PDGFRB: variants seen among roughly 807,000 people sequenced by gnomAD.
PDGFRB encodes platelet-derived growth factor receptor beta.
In PDGFRB, 42 loss-of-function variants were observed where a neutral mutation model predicts 120.2. The ratio of observed to expected loss-of-function variants is 0.35; its 90% confidence interval spans 0.27 to 0.45. PDGFRB has a LOEUF of 0.45. Ranked by LOEUF, PDGFRB falls within the 20% of genes least tolerant of loss-of-function variation. The pLI, the probability that PDGFRB is intolerant of heterozygous loss-of-function variation, is 1.00. For missense variants in PDGFRB, 1,149 were observed against 1,476.3 expected (o/e 0.78, Z 3.63); for synonymous variants, 586 against 606.8 (o/e 0.97, Z 0.50).
At chr5:150,122,959 TTCCCCTC>T (rs1427870564) in intron 15 of PDGFRB, 76 bp downstream of exon 15, 1 of 1,271,730 alleles carries the variant, frequency 7.9e-7, no homozygotes, top group Admixed American at 1.8e-5. Flanking sequence ...CAGCCTCAGC[TTCCCCTC>T]CTGGACAAAA....
intron 21 of PDGFRB, among the ~76,000 whole-genome samples, chr5:150,118,057 G>A (rs189248641): frequency 1.1e-4 from 16 of 152,252 alleles, no homozygotes; most frequent in Admixed American, 9.8e-4. Context: ...GGACCACCCA[G>A]GGAGGGGCAG....
intron 12 of PDGFRB, 94 bp downstream of exon 12, chr5:150,125,351 T>C (rs1043438240): frequency 4.0e-5 from 45 of 1,111,958 alleles, no homozygotes; most frequent in Non-Finnish European, 1.5e-5. Flanking sequence ...CTAGGTCTCA[T>C]AGCTAGTCAT....
chr5:150,154,781 C>A (rs1310416444), intron 1 of PDGFRB, among the ~76,000 whole-genome samples: 1 of 152,220 alleles, frequency 6.6e-6, no homozygotes, highest in Non-Finnish European at 1.5e-5. Flanking sequence ...AGCCCCCAGA[C>A]CCAGCAGCAT....
rs1286932408 is a variant in PDGFRB at position 150,120,876 on chromosome 5, G to A, written c.2586+12C>T. On this transcript the variant is annotated intron_variant, in intron 18 of 22. Transcript: ENST00000261799. This position sits in a 1 kb window ranked among gnomAD's most constrained non-coding sequence, Gnocchi z 4.3. ...CTGTGACTGCCCTGCAGGGGCCAGGGAAGGTACTCACGCTGCCTTTGGAGA... is the reference window on the plus strand; with the variant it reads ...CTGTGACTGCCCTGCAGGGGCCAGGAAAGGTACTCACGCTGCCTTTGGAGA... 1 of 1,613,502 alleles carries A rather than the reference G, an allele frequency of 6.2e-7. No individual in the cohort carries two copies. Among genetic ancestry groups the A allele is most frequent in the Non-Finnish European group, 8.5e-7 (1 of 1,179,570 alleles).
chr5:150,141,490 G>A (rs1760782677), intron 1 of PDGFRB, among the ~76,000 whole-genome samples: 1 of 152,192 alleles, frequency 6.6e-6, no homozygotes, highest in Admixed American at 6.5e-5. Flanking sequence ...AACTGGGCTA[G>A]GAACACAGAG....
chr5:150,126,419 A>G (rs1028761651), intron 11 of PDGFRB, 101 bp downstream of exon 11: 5 of 756,416 alleles, frequency 6.6e-6, no homozygotes, highest in Non-Finnish European at 4.8e-6. Flanking sequence ...TGAGCCCTGC[A>G]TGTGGCCAGA....
chr5:150,117,583 G>T, intron 22 of PDGFRB, 35 bp downstream of exon 22: 2 of 1,087,054 alleles, frequency 1.8e-6, no homozygotes, highest in Non-Finnish European at 2.8e-6. Context: ...CACACACTGT[G>T]CACAATTTCC....
At chr5:150,136,899 A>G in intron 2 of PDGFRB, 109 bp downstream of exon 2, 2 of 806,244 alleles carry the variant, frequency 2.5e-6, no homozygotes, top group Non-Finnish European at 4.2e-6. Context: ...AGGGCAGGGC[A>G]GTGTGCCTGG....
intron 1 of PDGFRB, among the ~76,000 whole-genome samples, chr5:150,151,141 C>T (rs1021987288): frequency 6.6e-6 from 1 of 152,206 alleles, no homozygotes; most frequent in Non-Finnish European, 1.5e-5. Flanking sequence ...GAAAAAAACC[C>T]TTTCATTGTG....
rs774310300 is a variant in PDGFRB at position 150,124,293 on chromosome 5, G to C, written c.1980C>G (p.Pro660=). Residue 660 remains proline (P), a synonymous_variant, in exon 14 of 23, where the codon CCC becomes CCG. Coordinates refer to ENST00000261799, the MANE Select transcript of PDGFRB (RefSeq NM_002609.4). ...SELKIMSHLG[P]HLNVVNLLGA... is the part of the protein sequence containing the mutation. ...CCAACAGGTTGACCACGTTCAGGTG[G>C]GGCCCAAGGTGACTCATGATCTTCA... The C allele has an allele frequency of 6.2e-6, 10 of 1,613,938 alleles. No homozygotes were observed. The highest frequency in any genetic ancestry group is 8.5e-6 in the Non-Finnish European group (10 of 1,179,922).
chr5:150,154,115 A>G (rs575806719), intron 1 of PDGFRB, among the ~76,000 whole-genome samples: 2 of 152,304 alleles, frequency 1.3e-5, no homozygotes, highest in Non-Finnish European at 1.5e-5. Flanking sequence ...CTTCAGCACA[A>G]AGTGCATGGC....
intron 15 of PDGFRB, among the ~76,000 whole-genome samples, chr5:150,122,411 T>C (rs1458686708): frequency 6.6e-6 from 1 of 152,220 alleles, no homozygotes; most frequent in African/African-American, 2.4e-5. Context: ...CCGCTACCTA[T>C]GCCTGTAGCA....
rs1429315433 is a variant in PDGFRB at position 150,132,152 on chromosome 5, C to A, written c.1128-58G>T. 5.5e-6 allele frequency: 5 copies of A among 910,646 alleles called. No homozygotes were observed. Among genetic ancestry groups the A allele is most frequent in the Non-Finnish European group, 9.1e-6 (5 of 552,170 alleles). 56.4% of individuals were successfully genotyped at this position (910,646 alleles called of 1,614,324 possible). On this transcript the variant is annotated intron_variant, in intron 7 of 22. Transcript: ENST00000261799. The surrounding 1 kb of genome is among the most constrained non-coding windows in gnomAD (Gnocchi z 5.0). Reference sequence around the variant, plus strand: ...GAAGGACTCTTACAGTTCTCCCCACCCTCCTGGTATAAAGAGGAACAAGGC... The same window carrying A: ...GAAGGACTCTTACAGTTCTCCCCACACTCCTGGTATAAAGAGGAACAAGGC...
intron 1 of PDGFRB, among the ~76,000 whole-genome samples, chr5:150,150,297 C>A (rs1184012452): frequency 6.6e-6 from 1 of 152,198 alleles, no homozygotes; most frequent in Non-Finnish European, 1.5e-5. Context: ...TGCAACCCTT[C>A]CCCTCTCTGG....
intron 8 of PDGFRB, among the ~76,000 whole-genome samples, chr5:150,131,346 C>T (rs1760459583): frequency 1.3e-5 from 2 of 152,298 alleles, no homozygotes; most frequent in South Asian, 4.1e-4. Context: ...CTTTGCACTG[C>T]CCGAGGTACC....
intron 1 of PDGFRB, among the ~76,000 whole-genome samples, chr5:150,149,936 G>C (rs1186968126): frequency 6.6e-6 from 1 of 152,158 alleles, no homozygotes; most frequent in African/African-American, 2.4e-5. Flanking sequence ...GAACTCTCAG[G>C]GGCTAAGGGC....
rs2113912901 is a variant in PDGFRB, at chr5:150,135,864, G to A, written c.55C>T (p.Leu19=). 1.3e-6 allele frequency: 2 copies of A among 1,525,446 alleles called. No homozygotes were observed. Among genetic ancestry groups the A allele is most frequent in the Non-Finnish European group, 1.8e-6 (2 of 1,137,478 alleles). The allele number at this position is 1,525,446 out of a possible 1,614,324, so 94.5% of individuals were successfully genotyped here. A position where few individuals can be genotyped will look rare whatever the true frequency, so the allele number is the denominator to read the frequency against. The change falls in exon 3 of 23, where the codon CTG becomes TTG. Residue 19 remains leucine (L), a synonymous_variant. Transcript: ENST00000261799. ...GGTTCCAGAAGTAACAGGAGAGACA[G>A]CAACAGCAGCTCGCCTTTGGGAGAG... is the stretch of plus-strand genomic sequence containing the variant. ...ALALKGELLL[L]SLLLLLEPQI... is the part of the protein sequence containing the mutation.
In PDGFRB at chr5:150,131,793, G is replaced by C. The variant is rs151306388; in HGVS notation, c.1243+186C>G. On this transcript the variant is annotated intron_variant, in intron 8 of 22. Transcript: ENST00000261799. ...TCTAGCCAGATGGCCTCCTTATACA[G>C]CTGGGGAAACTGAGGCCCAGAGGCC... Among the ~76,000 whole-genome samples the C allele has an allele frequency of 1.5e-3, 232 of 152,332 alleles. 1 individual carries two copies. Among genetic ancestry groups the C allele is most frequent in the African/African-American group, 5.3e-3 (222 of 41,580 alleles).
In PDGFRB at chr5:150,120,752, T is replaced by C. The variant is rs1760104470; in HGVS notation, c.2586+136A>G. The C allele has an allele frequency of 3.7e-6, 3 of 807,114 alleles. No homozygotes were observed. The African/African-American group carries it at 5.1e-5, about 14-fold the overall frequency. The allele number at this position is 807,114 out of a possible 1,614,324, so 50.0% of individuals were successfully genotyped here. ...CACATAGCTGGGCAGGCACAGCCCA[T>C]CACTGCTGTCAGGGCAGGCCACAAG... On this transcript the variant is annotated intron_variant, in intron 18 of 22. Coordinates refer to ENST00000261799, the MANE Select transcript of PDGFRB (RefSeq NM_002609.4). The surrounding 1 kb of genome is among the most constrained non-coding windows in gnomAD (Gnocchi z 4.3).
Sources: allele counts gnomAD v4.1 joint callset (sites outside exome capture counted in the v4.1 genomes callset), GRCh38; gene constraint gnomAD v4.1.1; non-coding constraint Gnocchi (gnomAD v3.1); transcripts MANE v1.5; gene names NCBI Gene and HGNC (gene_info 2026-07-23, HGNC 2026-07-21).